The following IL1RAPL2 variants were observed in gnomAD, a reference collection of about 807,000 sequenced individuals.
The protein encoded by IL1RAPL2 is X-linked interleukin-1 receptor accessory protein-like 2.
In IL1RAPL2, 3 loss-of-function variants were observed where a neutral mutation model predicts 44.1. The ratio of observed to expected loss-of-function variants is 0.07; its 90% CI spans 0.03 to 0.18. IL1RAPL2 has a LOEUF of 0.18. Among genes scored for constraint, IL1RAPL2 ranks in the 10% least tolerant of loss-of-function variants. The pLI, the probability that IL1RAPL2 is intolerant of heterozygous loss-of-function variation, is 1.00. For synonymous variants in IL1RAPL2, 181 were observed against 178.8 expected (o/e 1.01, Z -0.10); for missense variants, 391 against 496.4 (o/e 0.79, Z 2.02).
intron 5 of IL1RAPL2, among the ~76,000 whole-genome samples, chrX:105,438,128 C>A (rs1412247783): frequency 8.9e-6 from 1 of 111,795 alleles, no homozygotes; most frequent in African/African-American, 3.3e-5. Context: ...TTCATCCAGT[C>A]ATTCTAGGCC....
At chrX:105,576,755 A>G (rs1319288408) in intron 6 of IL1RAPL2, among the ~76,000 whole-genome samples, 6 of 111,852 alleles carry the variant, frequency 5.4e-5, no homozygotes, top group Non-Finnish European at 1.1e-4. Flanking sequence ...ATATTGCAGA[A>G]TATATAAGCC....
chrX:104,902,169 GCTT>G (rs758413775), intron 2 of IL1RAPL2, among the ~76,000 whole-genome samples: 154 of 111,847 alleles, frequency 1.4e-3, no homozygotes, highest in African/African-American at 4.8e-3. Flanking sequence ...AAGTAAAGTA[GCTT>G]CTTTTTCCCT....
intron 2 of IL1RAPL2, among the ~76,000 whole-genome samples, chrX:104,836,067 T>G (rs1921734199): frequency 8.9e-6 from 1 of 111,859 alleles, no homozygotes; most frequent in Non-Finnish European, 1.9e-5. Context: ...CACAATGGAG[T>G]GCTATTCAGC....
At chrX:104,682,886 G>A (rs1930912902) in intron 2 of IL1RAPL2, among the ~76,000 whole-genome samples, 1 of 111,575 alleles carries the variant, frequency 9.0e-6, no homozygotes, top group East Asian at 2.8e-4. Context: ...TATCTCCTCA[G>A]ATATTAAAAA....
At chrX:104,908,055 T>G (rs1264027337) in intron 2 of IL1RAPL2, among the ~76,000 whole-genome samples, 1 of 110,999 alleles carries the variant, frequency 9.0e-6, no homozygotes, top group Admixed American at 9.6e-5. Context: ...TACCATTATG[T>G]AATGGCCTTC....
intron 5 of IL1RAPL2, chrX:105,405,627 G>A: frequency 8.9e-7 from 1 of 1,123,413 alleles, no homozygotes; most frequent in Non-Finnish European, 1.2e-6. Flanking sequence ...GCTCCCTCAG[G>A]ACCCAGCGGG....
At chrX:105,344,600 T>C (rs189482427) in intron 5 of IL1RAPL2, among the ~76,000 whole-genome samples, 11 of 112,096 alleles carry the variant, frequency 9.8e-5, no homozygotes, top group African/African-American at 3.6e-4. Context: ...GAAATTCTAA[T>C]GTTGGCAATT....
At chrX:105,212,084 C>T (rs182353505) in intron 3 of IL1RAPL2, among the ~76,000 whole-genome samples, 2 of 111,932 alleles carry the variant, frequency 1.8e-5, no homozygotes, top group African/African-American at 6.5e-5. Flanking sequence ...TTTTCAAACC[C>T]CAGTGGCACC....
intron 2 of IL1RAPL2, among the ~76,000 whole-genome samples, chrX:105,080,183 G>A (rs2032383171): frequency 8.9e-6 from 1 of 112,116 alleles, no homozygotes; most frequent in African/African-American, 3.2e-5. Context: ...TGTTCACTCT[G>A]ATGATAGTTT....
Position 105,552,583 on chromosome X carries a change from A to T in IL1RAPL2, c.772+68196A>T, listed in dbSNP as rs142114927. On this transcript the variant is annotated intron_variant, in intron 6 of 10. Coordinates refer to ENST00000372582, the MANE Select transcript of IL1RAPL2 (RefSeq NM_017416.2). ...TGTAAGCTACTTCCAGGCATGACAC[A>T]TAAAAACCTCCCACCTAATCCTGTC... Among the ~76,000 whole-genome samples the T allele has an allele frequency of 5.5e-3, 621 of 112,173 alleles. 5 individuals carry two copies. The highest frequency in any genetic ancestry group is 0.019 in the African/African-American group (584 of 30,855).
At chrX:105,570,560 A>T (rs935892619) in intron 6 of IL1RAPL2, among the ~76,000 whole-genome samples, 3 of 111,810 alleles carry the variant, frequency 2.7e-5, no homozygotes, top group East Asian at 5.6e-4. Flanking sequence ...TTACATTCCC[A>T]CCAGCAGTAT....
chrX:104,886,297 G>T (rs1032847931), intron 2 of IL1RAPL2, among the ~76,000 whole-genome samples: 11 of 111,740 alleles, frequency 9.8e-5, no homozygotes, highest in Non-Finnish European at 2.1e-4. Flanking sequence ...CCCATTTGTT[G>T]TCCCCTACTT....
intron 2 of IL1RAPL2, among the ~76,000 whole-genome samples, chrX:104,937,907 A>C (rs1286635041): frequency 1.8e-5 from 2 of 112,534 alleles, no homozygotes; most frequent in Non-Finnish European, 3.7e-5. Context: ...CTTTTAGTTT[A>C]AAATGAATGT....
At chrX:104,805,818 C>A (rs1932919042) in intron 2 of IL1RAPL2, among the ~76,000 whole-genome samples, 1 of 111,975 alleles carries the variant, frequency 8.9e-6, no homozygotes, top group Non-Finnish European at 1.9e-5. Flanking sequence ...CTATTACACT[C>A]ATTTTCCAGA....
intron 2 of IL1RAPL2, among the ~76,000 whole-genome samples, chrX:104,815,044 T>C (rs758584148): frequency 1.2e-4 from 13 of 112,397 alleles, no homozygotes; most frequent in Admixed American, 7.5e-4. Context: ...AGACATTCTT[T>C]GGTCTTGGCA....
At chrX:105,457,876 C>T in intron 5 of IL1RAPL2, among the ~76,000 whole-genome samples, 1 of 110,607 alleles carries the variant, frequency 9.0e-6, no homozygotes, top group Non-Finnish European at 1.9e-5. Flanking sequence ...CTATGTTTAA[C>T]TTTTTGAGAA....
At chrX:104,762,565 C>A (rs1932481210) in intron 2 of IL1RAPL2, among the ~76,000 whole-genome samples, 1 of 112,496 alleles carries the variant, frequency 8.9e-6, no homozygotes, top group Non-Finnish European at 1.9e-5. Context: ...AGGCAGTACC[C>A]CAGTGGGAAC....
chrX:105,262,968 C>T (rs1603037866), intron 4 of IL1RAPL2, among the ~76,000 whole-genome samples: 1 of 110,282 alleles, frequency 9.1e-6, no homozygotes, highest in East Asian at 2.9e-4. Context: ...TCATTGCAAC[C>T]TCTGCCTCCT....
Position 104,915,725 on chromosome X carries a change from C to T in IL1RAPL2, c.82+256730C>T, listed in dbSNP as rs1252169556. ...AGGTCTCACGTTTAAGTGTTTAATC[C>T]ATCTTGAGTTAATTTTTGTATAAGG... On this transcript the variant is annotated intron_variant, in intron 2 of 10. Coordinates refer to ENST00000372582, the MANE Select transcript of IL1RAPL2 (RefSeq NM_017416.2). 7.2e-5 allele frequency among the ~76,000 whole-genome samples: 8 copies of T among 111,427 alleles called. No individual in the cohort carries two copies. The East Asian group carries it at 2.3e-3, about 31-fold the overall frequency.
Sources: allele counts gnomAD v4.1 joint callset (sites outside exome capture counted in the v4.1 genomes callset), GRCh38; gene constraint gnomAD v4.1.1; transcripts MANE v1.5; gene names NCBI Gene and HGNC (gene_info 2026-07-23, HGNC 2026-07-21).